The following NLN variants were observed in gnomAD, a reference collection of about 807,000 sequenced individuals.
NLN encodes the protein neurolysin, mitochondrial.
In NLN, 64 loss-of-function variants were observed where a neutral mutation model predicts 79.9. The ratio of observed to expected loss-of-function variants is 0.80; its 90% CI spans 0.65 to 0.99. The LOEUF (loss-of-function observed/expected upper bound fraction) is 0.99, where lower values mean the gene tolerates loss of function less well. Ranked by LOEUF, NLN falls within the 50% of genes least tolerant of loss-of-function variation. The probability of loss-of-function intolerance (pLI) is 0.00; values close to 1 mark genes in which losing one functional copy is unlikely to be tolerated. For missense variants in NLN, 835 were observed against 858.7 expected, an observed-to-expected ratio of 0.97 and a Z score of 0.34; for synonymous variants, 267 against 296.6, an observed-to-expected ratio of 0.90 and a Z score of 1.02.
At chr5:65,812,182 A>C in intron 11 of NLN, 73 bp from the exon 12 acceptor site, 1 of 1,341,704 alleles carries the variant, frequency 7.5e-7, no homozygotes, top group Non-Finnish European at 1.1e-6. Context: ...CCTCAGAGGG[A>C]AACCTTAGCT....
chr5:65,799,486 G>A (rs1019741827), intron 9 of NLN, among the ~76,000 whole-genome samples: 3 of 152,104 alleles, frequency 2.0e-5, no homozygotes, highest in Non-Finnish European at 4.4e-5. Flanking sequence ...TCTCCCCAGG[G>A]CTTCATCCAT....
chr5:65,761,915 A>G (rs1324396686), intron 2 of NLN, among the ~76,000 whole-genome samples: 2 of 152,194 alleles, frequency 1.3e-5, no homozygotes, highest in African/African-American at 2.4e-5. Flanking sequence ...TGGAAATTTT[A>G]CTGTTTATAA....
chr5:65,745,027 AG>A (rs1758945756), intron 1 of NLN, among the ~76,000 whole-genome samples: 2 of 152,230 alleles, frequency 1.3e-5, no homozygotes, highest in Non-Finnish European at 1.5e-5. Context: ...AGTTCATTAA[AG>A]GGCTCTGGAA....
At chr5:65,742,815 C>T (rs888018769) in intron 1 of NLN, among the ~76,000 whole-genome samples, 11 of 152,142 alleles carry the variant, frequency 7.2e-5, no homozygotes, top group Non-Finnish European at 1.3e-4. Flanking sequence ...CTCTTTATGA[C>T]GTGTCTCTCA....
At chr5:65,751,151 A>G (rs546491474) in intron 1 of NLN, among the ~76,000 whole-genome samples, 2 of 152,372 alleles carry the variant, frequency 1.3e-5, no homozygotes, top group African/African-American at 4.8e-5. Flanking sequence ...ATATTTGCCA[A>G]GTGTTTCAAA....
intron 1 of NLN, among the ~76,000 whole-genome samples, chr5:65,746,639 T>A (rs1262054139): frequency 1.3e-5 from 2 of 152,144 alleles, no homozygotes; most frequent in Non-Finnish European, 2.9e-5. Flanking sequence ...TTTTTGTTTT[T>A]TTACTTAAGG....
At position 65,823,857 on chromosome 5, in the gene NLN, G is replaced by A. The variant is rs915941214; in HGVS notation, c.*942G>A. 2 of 152,198 alleles carry A rather than the reference G, an allele frequency of 1.3e-5. No homozygotes were observed. The highest frequency in any genetic ancestry group is 1.3e-4 in the Admixed American group (2 of 15,270). 9.4% of individuals were successfully genotyped at this position (152,198 alleles called of 1,614,324 possible). A position where few individuals can be genotyped will look rare whatever the true frequency, so the allele number is the denominator to read the frequency against. ...TGGGAAGAGAGAGGAGGTGGATGTGGAACATAAAGGGTTCAGAAACTCCAG... is the reference window on the plus strand; with the variant it reads ...TGGGAAGAGAGAGGAGGTGGATGTGAAACATAAAGGGTTCAGAAACTCCAG... On this transcript the variant is annotated 3_prime_UTR_variant, in exon 13 of 13. Transcript: ENST00000380985.
intron 2 of NLN, among the ~76,000 whole-genome samples, chr5:65,761,099 T>C (rs573839298): frequency 1.2e-4 from 18 of 152,210 alleles, no homozygotes; most frequent in Admixed American, 8.5e-4. Flanking sequence ...TTGTCTATGG[T>C]TTGGCAGTGA....
intron 1 of NLN, among the ~76,000 whole-genome samples, chr5:65,752,100 G>C (rs1309124392): frequency 6.6e-6 from 1 of 152,012 alleles, no homozygotes; most frequent in Non-Finnish European, 1.5e-5. Context: ...AATTAGCCAG[G>C]TGTCATGCAC....
chr5:65,745,818 T>C (rs1402267961), intron 1 of NLN, among the ~76,000 whole-genome samples: 1 of 152,124 alleles, frequency 6.6e-6, no homozygotes, highest in Non-Finnish European at 1.5e-5. Flanking sequence ...TTTAGGATGA[T>C]TACTCTGCAG....
At chr5:65,766,847 A>G (rs1194135077) in intron 3 of NLN, among the ~76,000 whole-genome samples, 1 of 152,242 alleles carries the variant, frequency 6.6e-6, no homozygotes, top group Non-Finnish European at 1.5e-5. Flanking sequence ...AAGGGGCCAC[A>G]GGCCCTATGC....
chr5:65,789,014 C>T (rs1043654076), intron 8 of NLN, among the ~76,000 whole-genome samples: 5 of 151,790 alleles, frequency 3.3e-5, no homozygotes, highest in Admixed American at 3.3e-4. Flanking sequence ...GGTGTGCACA[C>T]CTGTAGTCCT....
chr5:65,738,866 C>T (rs982306048), intron 1 of NLN, among the ~76,000 whole-genome samples: 3 of 148,302 alleles, frequency 2.0e-5, no homozygotes, highest in East Asian at 3.9e-4. Context: ...AAGTGATTCT[C>T]CTGCCCCAGC....
chr5:65,754,723 CTTCTT>C (rs1426725051), intron 1 of NLN, among the ~76,000 whole-genome samples: 8 of 152,164 alleles, frequency 5.3e-5, no homozygotes, highest in Non-Finnish European at 1.2e-4. Context: ...AGATCAGTAT[CTTCTT>C]TTCCCCCAGA....
intron 12 of NLN, among the ~76,000 whole-genome samples, chr5:65,816,622 T>A (rs1334466344): frequency 6.6e-6 from 1 of 152,170 alleles, no homozygotes; most frequent in Non-Finnish European, 1.5e-5. Flanking sequence ...CAGAGTGTTA[T>A]TAGCCAACAC....
chr5:65,821,423 A>T (rs1579976937), intron 12 of NLN, among the ~76,000 whole-genome samples: 1 of 152,314 alleles, frequency 6.6e-6, no homozygotes, highest in East Asian at 1.9e-4. Context: ...AGTATAAAAA[A>T]CACGTTGGAT....
chr5:65,788,355 A>T lies in NLN; in HGVS notation c.1196A>T (p.Glu399Val), dbSNP rs754228289. 6.2e-7 allele frequency: 1 copy of T among 1,614,142 alleles called. No homozygotes were observed. The highest frequency in any genetic ancestry group is 1.1e-5 in the South Asian group (1 of 91,078). Reference sequence around the variant, plus strand: ...GAAGGCTTGCTGAACACCTACCAGGAGTTGTTGGGACTTTCATTTGAACAA... The same window carrying T: ...GAAGGCTTGCTGAACACCTACCAGGTGTTGTTGGGACTTTCATTTGAACAA... ...VTEGLLNTYQ[E>V]LLGLSFEQMT... The change falls in exon 8 of 13, where the codon GAG becomes GTG. Residue 399 changes from glutamate (E) to valine (V), a missense_variant. Transcript: ENST00000380985.
Position 65,722,368 on chromosome 5 carries a change from G to A in NLN, c.-6G>A. The A allele has an allele frequency of 6.3e-7, 1 of 1,576,630 alleles. No homozygotes were observed. The highest frequency in any genetic ancestry group is 1.2e-5 in the South Asian group (1 of 86,090). On this transcript the variant is annotated 5_prime_UTR_variant, in exon 1 of 13. Transcript: ENST00000380985. ...CGCCCGCCGCCGCCAGCCTCTCAGC[G>A]CTCCCATGATCGCCCGGTGCCTTTT...
chr5:65,739,772 T>C (rs1758831706), intron 1 of NLN, among the ~76,000 whole-genome samples: 1 of 152,244 alleles, frequency 6.6e-6, no homozygotes, highest in Non-Finnish European at 1.5e-5. Context: ...GAGCATTTTT[T>C]TCATATACCT....
Sources: allele counts gnomAD v4.1 joint callset (sites outside exome capture counted in the v4.1 genomes callset), GRCh38; gene constraint gnomAD v4.1.1; transcripts MANE v1.5; gene names NCBI Gene and HGNC (gene_info 2026-07-23, HGNC 2026-07-21).